The following FAM135A variants were observed in gnomAD, a reference collection of about 807,000 sequenced individuals.
The protein encoded by FAM135A is family with sequence similarity 135 member A.
A neutral mutation model predicts 146.8 loss-of-function variants in FAM135A; 79 were observed. The ratio of observed to expected loss-of-function variants is 0.54; its 90% CI spans 0.45 to 0.65. FAM135A has a LOEUF of 0.65. Ranked by LOEUF, FAM135A falls within the 30% of genes least tolerant of loss-of-function variation. FAM135A has a pLI of 0.00. For synonymous variants in FAM135A, 562 were observed against 603.6 expected (o/e 0.93, Z 1.01); for missense variants, 1,623 against 1,758.2 (o/e 0.92, Z 1.38).
intron 12 of FAM135A, among the ~76,000 whole-genome samples, chr6:70,517,998 G>A (rs1187214229): frequency 6.6e-6 from 1 of 152,152 alleles, no homozygotes; most frequent in African/African-American, 2.4e-5. Context: ...AAAGTTGCAA[G>A]TTTCTCAATT....
intron 4 of FAM135A, among the ~76,000 whole-genome samples, chr6:70,434,779 T>G (rs1018521067): frequency 2.0e-5 from 3 of 152,178 alleles, no homozygotes; most frequent in African/African-American, 7.2e-5. Flanking sequence ...TCAGTTTGAT[T>G]TGTTTCCACA....
rs1215120028 is a variant in FAM135A at position 70,502,642 on chromosome 6, G to A, written c.880G>A (p.Glu294Lys). 1.9e-6 allele frequency: 3 copies of A among 1,606,118 alleles called. No individual in the cohort carries two copies. In the African/African-American group the frequency reaches 4.0e-5, roughly 22 times the overall value. The change falls in exon 12 of 22, where the codon GAG (glutamate) becomes AAG (lysine). Residue 294 changes from glutamate (E) to lysine (K), a missense_variant. Glu to Lys is a moderately conservative substitution (Grantham distance 56, BLOSUM62 1). This residue lies in a region of FAM135A where 206 missense variants were observed against 194.7 expected (regional missense o/e 1.06). Coordinates refer to ENST00000418814, the MANE Select transcript of FAM135A (RefSeq NM_001162529.3). ...TTTTTTCTTTTCATTTCAGAAAATA[G>A]AGAATCCTGATGAACTGGCAGAACT... ...TELCEEVKKI[E>K]NPDELAELIN...
chr6:70,526,593 C>T lies in FAM135A; in HGVS notation c.3509C>T (p.Ser1170Phe). 6.2e-7 allele frequency: 1 copy of T among 1,613,522 alleles called. No individual in the cohort carries two copies. The highest frequency in any genetic ancestry group is 8.5e-7 in the Non-Finnish European group (1 of 1,179,652). Residue 1170 changes from serine to phenylalanine, a missense_variant, in exon 15 of 22, where the codon TCC becomes TTC. By Grantham distance (155) the Ser-to-Phe change is radical. Transcript: ENST00000418814. ...TCTCCTTGTAATGTTAAATATTCTTCCAAAAGTAAATTTGATGCCATTACA... is the reference window on the plus strand; with the variant it reads ...TCTCCTTGTAATGTTAAATATTCTTTCAAAAGTAAATTTGATGCCATTACA... ...RESPCNVKYSSKSKFDAITKQ... is the reference protein window; with the variant it reads ...RESPCNVKYSFKSKFDAITKQ...
intron 5 of FAM135A, among the ~76,000 whole-genome samples, chr6:70,473,014 C>A (rs1387364104): frequency 1.3e-5 from 2 of 152,126 alleles, no homozygotes; most frequent in African/African-American, 4.8e-5. Flanking sequence ...TCTCTTGTTT[C>A]TTAAACTTCA....
chr6:70,458,442 T>G (rs1040057008), intron 5 of FAM135A, among the ~76,000 whole-genome samples: 1 of 152,212 alleles, frequency 6.6e-6, no homozygotes, highest in African/African-American at 2.4e-5. Context: ...TGCAAAGATA[T>G]GTGCAAAGCC....
chr6:70,436,667 TG>T, intron 4 of FAM135A, among the ~76,000 whole-genome samples: 1 of 152,358 alleles, frequency 6.6e-6, no homozygotes, highest in Admixed American at 6.5e-5. Context: ...TTCTTCTTTT[TG>T]TTTTTAAAAC....
chr6:70,496,979 G>A (rs952508084), intron 11 of FAM135A, among the ~76,000 whole-genome samples: 1 of 152,014 alleles, frequency 6.6e-6, no homozygotes, highest in South Asian at 2.1e-4. Context: ...GGATTGTCTT[G>A]GCTATACGGT....
chr6:70,457,241 C>CT (rs1778545170), intron 5 of FAM135A, among the ~76,000 whole-genome samples: 2 of 152,138 alleles, frequency 1.3e-5, no homozygotes, highest in Non-Finnish European at 2.9e-5. Flanking sequence ...GATACATTTT[C>CT]TGTCAGTGAC....
In FAM135A at chr6:70,526,355, G is replaced by A. The variant is rs752352251; in HGVS notation, c.3271G>A (p.Asp1091Asn). 7 of 1,613,468 alleles carry A rather than the reference G, an allele frequency of 4.3e-6. No individual in the cohort carries two copies. In the East Asian group the frequency reaches 1.6e-4, roughly 36 times the overall value. ...TAAAGAGGATGAGGAGGAAGAGCAG[G>A]ATCAACAAATGGTTCAAAATGGGTA... ...QDKEDEEEEQ[D>N]QQMVQNGYYE... Residue 1091 changes from aspartate to asparagine, a missense_variant, in exon 15 of 22, where the codon GAT becomes AAT. This residue lies in a region of FAM135A where 1,061 missense variants were observed against 1,113.8 expected (regional missense o/e 0.95). Coordinates refer to ENST00000418814, the MANE Select transcript of FAM135A (RefSeq NM_001162529.3).
intron 16 of FAM135A, among the ~76,000 whole-genome samples, chr6:70,532,925 C>G (rs1037104354): frequency 6.6e-6 from 1 of 151,350 alleles, no homozygotes; most frequent in Admixed American, 6.6e-5. Context: ...GAGCAAGACT[C>G]CATCTCAAAA....
At chr6:70,494,787 C>G (rs569003451) in intron 11 of FAM135A, among the ~76,000 whole-genome samples, 1 of 151,974 alleles carries the variant, frequency 6.6e-6, no homozygotes, top group Non-Finnish European at 1.5e-5. Context: ...ATCTAGATAA[C>G]CTTGCTTTCA....
chr6:70,492,671 AAG>A (rs1786279835), intron 11 of FAM135A, among the ~76,000 whole-genome samples: 1 of 151,722 alleles, frequency 6.6e-6, no homozygotes, highest in African/African-American at 2.4e-5. Flanking sequence ...AAAAAAAAAA[AAG>A]GATACAATGA....
chr6:70,424,699 T>G (rs1769643951), intron 2 of FAM135A, among the ~76,000 whole-genome samples: 1 of 152,234 alleles, frequency 6.6e-6, no homozygotes, highest in Admixed American at 6.5e-5. Flanking sequence ...CCATCTTTGC[T>G]TACAAACTAG....
chr6:70,523,707 A>G (rs1051486029), intron 13 of FAM135A, among the ~76,000 whole-genome samples: 1 of 152,176 alleles, frequency 6.6e-6, no homozygotes, highest in Non-Finnish European at 1.5e-5. Flanking sequence ...AAATAACATA[A>G]GAAAGTATGG....
At chr6:70,419,222 C>T (rs1405312536) in intron 2 of FAM135A, among the ~76,000 whole-genome samples, 2 of 152,056 alleles carry the variant, frequency 1.3e-5, no homozygotes, top group Non-Finnish European at 2.9e-5. Context: ...AGTTCAAGAC[C>T]AGCCTGGCCA....
At chr6:70,448,781 G>A (rs1480275211) in intron 4 of FAM135A, among the ~76,000 whole-genome samples, 2 of 152,234 alleles carry the variant, frequency 1.3e-5, no homozygotes, top group Admixed American at 1.3e-4. Context: ...GGGATGGGCC[G>A]AAATAAATGG....
chr6:70,453,626 C>T (rs375462926), intron 5 of FAM135A, among the ~76,000 whole-genome samples: 1 of 151,382 alleles, frequency 6.6e-6, no homozygotes. Context: ...CAAGTGTTCT[C>T]ACTGTTCAGT....
intron 11 of FAM135A, among the ~76,000 whole-genome samples, chr6:70,492,119 C>T (rs985530126): frequency 6.6e-6 from 1 of 151,240 alleles, no homozygotes; most frequent in Non-Finnish European, 1.5e-5. Context: ...AAGACTTGCT[C>T]GACTGGATAC....
Position 70,524,113 on chromosome 6 carries a change from T to G in FAM135A, c.1250T>G (p.Val417Gly). The change falls in exon 14 of 22, where the codon GTT (valine) becomes GGT (glycine). Residue 417 changes from valine to glycine, a missense_variant. Physicochemically the swap from Val to Gly is moderately radical, Grantham distance 109. This residue lies in a region of FAM135A where 1,061 missense variants were observed against 1,113.8 expected (regional missense o/e 0.95). Transcript: ENST00000418814. ...TTTGAAGATAGGTATTTAGATTCAGTTACTGAAGGTAAGTGTAATCTAACT... is the reference window on the plus strand; with the variant it reads ...TTTGAAGATAGGTATTTAGATTCAGGTACTGAAGGTAAGTGTAATCTAACT... The part of the protein sequence containing the change: ...IIFEDRYLDS[V>G]TEDLDAPWMG... 6.2e-7 allele frequency: 1 copy of G among 1,609,784 alleles called. No homozygotes were observed. Among genetic ancestry groups the G allele is most frequent in the Non-Finnish European group, 8.5e-7 (1 of 1,177,322 alleles).
Sources: allele counts gnomAD v4.1 joint callset (sites outside exome capture counted in the v4.1 genomes callset), GRCh38; gene constraint gnomAD v4.1.1; regional missense constraint gnomAD v4.1.1; transcripts MANE v1.5; gene names NCBI Gene and HGNC (gene_info 2026-07-23, HGNC 2026-07-21).